LSAMP: variants seen among roughly 807,000 people sequenced by gnomAD.
LSAMP encodes limbic system-associated membrane protein.
In LSAMP, 7 loss-of-function variants were observed where a neutral mutation model predicts 38.6. The ratio of observed to expected loss-of-function variants is 0.18; its 90% confidence interval spans 0.10 to 0.34. The LOEUF is 0.34. Among genes scored for constraint, LSAMP ranks in the 10% least tolerant of loss-of-function variants. The probability of loss-of-function intolerance (pLI) is 1.00; values close to 1 mark genes in which losing one functional copy is unlikely to be tolerated. For synonymous variants in LSAMP, 154 were observed against 166.8 expected (o/e 0.92, Z 0.59); for missense variants, 313 against 420.0 (o/e 0.75, Z 2.23).
At chr3:116,203,774 C>A (rs1291431754) in intron 1 of LSAMP, among the ~76,000 whole-genome samples, 3 of 151,964 alleles carry the variant, frequency 2.0e-5, no homozygotes, top group Non-Finnish European at 4.4e-5. Flanking sequence ...TGTATATGTG[C>A]CACATTTTCT....
intron 1 of LSAMP, among the ~76,000 whole-genome samples, chr3:116,110,889 C>T (rs947723437): frequency 1.3e-5 from 2 of 151,450 alleles, no homozygotes; most frequent in Admixed American, 6.6e-5. Flanking sequence ...TGGGCTGAGT[C>T]GGAAAAGAGT....
intron 6 of LSAMP, chr3:115,838,207 T>G (rs969236660): frequency 1.3e-5 from 2 of 152,214 alleles, no homozygotes; most frequent in South Asian, 4.1e-4. Flanking sequence ...TCTGAAACAT[T>G]TAGCATAGTA....
At chr3:116,064,534 G>A (rs1360127540) in intron 2 of LSAMP, among the ~76,000 whole-genome samples, 1 of 149,592 alleles carries the variant, frequency 6.7e-6, no homozygotes, top group African/African-American at 2.4e-5. Context: ...AGTCTGATGA[G>A]TTATTGAAAA....
chr3:115,973,767 C>A (rs941778042), intron 3 of LSAMP, among the ~76,000 whole-genome samples: 1 of 151,972 alleles, frequency 6.6e-6, no homozygotes, highest in Non-Finnish European at 1.5e-5. Context: ...TTCATATACA[C>A]CTTATATACA....
At chr3:115,947,001 G>GAA (rs61095087) in intron 3 of LSAMP, among the ~76,000 whole-genome samples, 2 of 149,930 alleles carry the variant, frequency 1.3e-5, no homozygotes, top group East Asian at 2.0e-4. Context: ...ATTAGCATTT[G>GAA]AAAAAAAAAT....
intron 1 of LSAMP, among the ~76,000 whole-genome samples, chr3:116,170,367 G>A (rs1334398149): frequency 6.6e-6 from 1 of 152,022 alleles, no homozygotes; most frequent in Non-Finnish European, 1.5e-5. Flanking sequence ...TCGCTTTGTG[G>A]CTACTCTGTG....
chr3:115,899,376 A>G (rs1445745293), intron 3 of LSAMP, among the ~76,000 whole-genome samples: 1 of 152,168 alleles, frequency 6.6e-6, no homozygotes, highest in African/African-American at 2.4e-5. Flanking sequence ...TACATAAAGA[A>G]AGGATGCTTT....
chr3:116,312,029 A>T (rs2047563942), intron 1 of LSAMP, among the ~76,000 whole-genome samples: 1 of 152,204 alleles, frequency 6.6e-6, no homozygotes, highest in Non-Finnish European at 1.5e-5. Flanking sequence ...CAGAAAAGGG[A>T]AAAGCAATAG....
intron 3 of LSAMP, among the ~76,000 whole-genome samples, chr3:115,898,801 G>T (rs368813456): frequency 6.6e-6 from 1 of 152,036 alleles, no homozygotes; most frequent in Admixed American, 6.6e-5. Flanking sequence ...AGGTTGTGAG[G>T]CATCTCCAGT....
chr3:115,897,659 A>G (rs886736391), intron 3 of LSAMP, among the ~76,000 whole-genome samples: 1 of 152,224 alleles, frequency 6.6e-6, no homozygotes, highest in African/African-American at 2.4e-5. Flanking sequence ...CTTGGTCACC[A>G]TCAGCAGCGG....
chr3:115,906,300 A>G (rs1416057197), intron 3 of LSAMP, among the ~76,000 whole-genome samples: 1 of 152,158 alleles, frequency 6.6e-6, no homozygotes, highest in African/African-American at 2.4e-5. Flanking sequence ...TTTATTAAGC[A>G]TGGTGCTGAG....
intron 3 of LSAMP, among the ~76,000 whole-genome samples, chr3:115,979,918 A>C (rs1939308792): frequency 6.6e-6 from 1 of 152,120 alleles, no homozygotes; most frequent in African/African-American, 2.4e-5. Context: ...TGAGGCTTAT[A>C]ATTTTTCTGC....
chr3:116,324,051 C>G (rs2047739706), intron 1 of LSAMP, among the ~76,000 whole-genome samples: 1 of 152,110 alleles, frequency 6.6e-6, no homozygotes, highest in South Asian at 2.1e-4. Flanking sequence ...CTTGTTAAGA[C>G]CAGGAGAACC....
chr3:116,212,481 A>C (rs770856210), intron 1 of LSAMP, among the ~76,000 whole-genome samples: 1 of 152,108 alleles, frequency 6.6e-6, no homozygotes, highest in East Asian at 1.9e-4. Flanking sequence ...TCACTTTGCA[A>C]TTTCACTTTT....
At chr3:116,338,332 T>C (rs2047949411) in intron 1 of LSAMP, among the ~76,000 whole-genome samples, 1 of 152,020 alleles carries the variant, frequency 6.6e-6, no homozygotes, top group Non-Finnish European at 1.5e-5. Context: ...CTTAGTGACC[T>C]GCTCCTTATC....
intron 1 of LSAMP, among the ~76,000 whole-genome samples, chr3:116,422,800 GC>G (rs1341816253): frequency 1.3e-5 from 2 of 152,144 alleles, no homozygotes; most frequent in African/African-American, 4.8e-5. Flanking sequence ...TATATAAGCA[GC>G]TTTTAGGTCT....
At chr3:116,331,643 C>G (rs1364467476) in intron 1 of LSAMP, among the ~76,000 whole-genome samples, 1 of 152,080 alleles carries the variant, frequency 6.6e-6, no homozygotes, top group African/African-American at 2.4e-5. Context: ...ACCCGTAGAA[C>G]TGCCCTGAAA....
intron 3 of LSAMP, among the ~76,000 whole-genome samples, chr3:115,969,099 C>T (rs986584981): frequency 6.6e-6 from 1 of 152,168 alleles, no homozygotes; most frequent in African/African-American, 2.4e-5. Context: ...CCTTTCCTAC[C>T]CGCTTCAGTG....
intron 3 of LSAMP, among the ~76,000 whole-genome samples, chr3:115,921,765 G>C (rs6781245): frequency 6.6e-6 from 1 of 151,902 alleles, no homozygotes. Context: ...CTTAATTTTT[G>C]TTTATATGCA....
Sources: allele counts gnomAD v4.1 joint callset (sites outside exome capture counted in the v4.1 genomes callset), GRCh38; gene constraint gnomAD v4.1.1; transcripts MANE v1.5; gene names NCBI Gene and HGNC (gene_info 2026-07-23, HGNC 2026-07-21).